OPCML: variants seen among roughly 807,000 people sequenced by gnomAD.
The protein encoded by OPCML is opioid-binding protein/cell adhesion molecule.
OPCML carries 13 observed loss-of-function variants against 37.8 expected under a neutral mutation model. That is an observed-to-expected ratio of 0.34 (90% CI 0.22 to 0.55). The LOEUF (loss-of-function observed/expected upper bound fraction) is 0.55. Among genes scored for constraint, OPCML ranks in the 20% least tolerant of loss-of-function variants. The pLI is 0.91. For synonymous variants in OPCML, 176 were observed against 168.8 expected (o/e 1.04, Z -0.33); for missense variants, 341 against 435.6 (o/e 0.78, Z 1.93).
At chr11:132,495,580 T>C (rs536589037) in intron 4 of OPCML, among the ~76,000 whole-genome samples, 1 of 152,236 alleles carries the variant, frequency 6.6e-6, no homozygotes, top group African/African-American at 2.4e-5. Context: ...GGATGAATAT[T>C]GTATAGAGTG....
chr11:133,023,292 T>C (rs7113537), intron 1 of OPCML, among the ~76,000 whole-genome samples: 68 of 152,348 alleles, frequency 4.5e-4, no homozygotes, highest in African/African-American at 1.6e-3. Flanking sequence ...CAAGCTGCAG[T>C]GCAGCCAAGC....
At chr11:133,055,185 T>C (rs573305453) in intron 1 of OPCML, among the ~76,000 whole-genome samples, 4 of 143,896 alleles carry the variant, frequency 2.8e-5, no homozygotes, top group African/African-American at 1.1e-4. Context: ...GCTGCCTCCA[T>C]GATACTTCCA....
chr11:133,017,480 C>T (rs943424043), intron 1 of OPCML, among the ~76,000 whole-genome samples: 3 of 152,064 alleles, frequency 2.0e-5, no homozygotes, highest in Non-Finnish European at 2.9e-5. Flanking sequence ...TCACCACAAC[C>T]TCCGCCTCCT....
At chr11:132,766,589 A>G (rs1282895754) in intron 2 of OPCML, among the ~76,000 whole-genome samples, 4 of 152,144 alleles carry the variant, frequency 2.6e-5, no homozygotes, top group Non-Finnish European at 1.5e-5. Flanking sequence ...TACTAACCCC[A>G]TCATCAATTG....
intron 1 of OPCML, among the ~76,000 whole-genome samples, chr11:133,101,765 A>G (rs1407785832): frequency 2.6e-5 from 4 of 152,214 alleles, no homozygotes; most frequent in Admixed American, 2.6e-4. Flanking sequence ...ACGCCTGCAC[A>G]TGGTTGTTTA....
chr11:133,325,556 A>G (rs888744226), intron 1 of OPCML, among the ~76,000 whole-genome samples: 1 of 152,242 alleles, frequency 6.6e-6, no homozygotes, highest in African/African-American at 2.4e-5. Flanking sequence ...ATGTGCTTGT[A>G]TATGTAGACA....
At chr11:132,672,584 C>T (rs779730221) in intron 2 of OPCML, among the ~76,000 whole-genome samples, 2 of 152,150 alleles carry the variant, frequency 1.3e-5, no homozygotes, top group East Asian at 1.9e-4. Context: ...GTTATTTTAG[C>T]GTAGCTCCAA....
At chr11:132,851,481 C>T (rs187826420) in intron 2 of OPCML, among the ~76,000 whole-genome samples, 1 of 152,182 alleles carries the variant, frequency 6.6e-6, no homozygotes, top group African/African-American at 2.4e-5. Flanking sequence ...TAGGTTCCTC[C>T]CAAACAGGTT....
chr11:133,034,688 G>T (rs559232444), intron 1 of OPCML, among the ~76,000 whole-genome samples: 3 of 151,754 alleles, frequency 2.0e-5, no homozygotes, highest in Middle Eastern at 3.5e-3. Flanking sequence ...ATGCTTAGAC[G>T]CAAGGAACAT....
chr11:133,218,601 C>T (rs1390338812), intron 1 of OPCML, among the ~76,000 whole-genome samples: 3 of 152,144 alleles, frequency 2.0e-5, no homozygotes, highest in Non-Finnish European at 2.9e-5. Flanking sequence ...CCAGGGTCCA[C>T]GGCGAAGAGT....
chr11:133,025,044 C>T (rs1947525658), intron 1 of OPCML: 2 of 964,536 alleles, frequency 2.1e-6, no homozygotes, highest in African/African-American at 1.8e-5. Context: ...CACTTCTAGG[C>T]TGATGTGCTG....
At chr11:132,579,861 T>C (rs1224251744) in intron 3 of OPCML, among the ~76,000 whole-genome samples, 1 of 152,172 alleles carries the variant, frequency 6.6e-6, no homozygotes, top group Non-Finnish European at 1.5e-5. Context: ...ATTGTCTTAG[T>C]CCTTAAGGGG....
chr11:133,356,472 G>A lies in OPCML; in HGVS notation c.61+175792C>T, dbSNP rs555915760. Among the ~76,000 whole-genome samples, 9 of 152,274 alleles carry A rather than the reference G, an allele frequency of 5.9e-5. No homozygotes were observed. In the South Asian group the frequency reaches 8.3e-4, roughly 14 times the overall value. On this transcript the variant is annotated intron_variant, in intron 1 of 7. Transcript: ENST00000524381. Reference sequence around the variant, plus strand: ...GACCTGCCTCTCTAGTTCTCTGACCGTGTGAGAAAGTAGGAGCCAGAGGGT... The same window carrying A: ...GACCTGCCTCTCTAGTTCTCTGACCATGTGAGAAAGTAGGAGCCAGAGGGT...
intron 4 of OPCML, among the ~76,000 whole-genome samples, chr11:132,480,054 G>C (rs1454670938): frequency 3.9e-5 from 6 of 152,192 alleles, no homozygotes; most frequent in Admixed American, 1.3e-4. Flanking sequence ...GAAGGCTTCA[G>C]ACGATCAAAT....
intron 1 of OPCML, among the ~76,000 whole-genome samples, chr11:133,072,363 A>C (rs1948552343): frequency 6.6e-6 from 1 of 152,244 alleles, no homozygotes; most frequent in Non-Finnish European, 1.5e-5. Context: ...AGTGAGACTA[A>C]ACATTTAAAA....
At chr11:132,948,147 A>G (rs898597396) in intron 1 of OPCML, among the ~76,000 whole-genome samples, 2 of 152,222 alleles carry the variant, frequency 1.3e-5, no homozygotes, top group African/African-American at 4.8e-5. Flanking sequence ...CATGTTTTAA[A>G]ATCAAGGCTG....
chr11:132,897,709 C>G (rs1484367702), intron 2 of OPCML, among the ~76,000 whole-genome samples: 2 of 152,114 alleles, frequency 1.3e-5, no homozygotes, highest in Non-Finnish European at 2.9e-5. Flanking sequence ...TCTCAAGCGG[C>G]AGAATTTGGG....
intron 1 of OPCML, among the ~76,000 whole-genome samples, chr11:133,121,105 T>C (rs1300321939): frequency 2.0e-5 from 3 of 152,102 alleles, no homozygotes; most frequent in African/African-American, 7.2e-5. Flanking sequence ...ATATTTTTAC[T>C]AGAGACGGGT....
At chr11:132,748,647 G>T (rs540487053) in intron 2 of OPCML, among the ~76,000 whole-genome samples, 13 of 152,280 alleles carry the variant, frequency 8.5e-5, no homozygotes, top group Middle Eastern at 3.4e-3. Flanking sequence ...GGGCCTGCAG[G>T]GGGGCAGCCT....
Sources: allele counts gnomAD v4.1 joint callset (sites outside exome capture counted in the v4.1 genomes callset), GRCh38; gene constraint gnomAD v4.1.1; transcripts MANE v1.5; gene names NCBI Gene and HGNC (gene_info 2026-07-23, HGNC 2026-07-21).